The following STK3 variants were observed in gnomAD, a reference collection of about 807,000 sequenced individuals.
STK3 encodes serine/threonine kinase 3, also known as serine/threonine-protein kinase 3.
Under a neutral mutation model 58.0 loss-of-function variants are expected in STK3, and 41 were observed. The ratio of observed to expected loss-of-function variants is 0.71; its 90% CI spans 0.55 to 0.92. The LOEUF is 0.92. Among genes scored for constraint, STK3 ranks in the 40% least tolerant of loss-of-function variants. The pLI, the probability that STK3 is intolerant of heterozygous loss-of-function variation, is 0.00. For synonymous variants in STK3, 170 were observed against 191.0 expected, an observed-to-expected ratio of 0.89 and a Z score of 0.91; for missense variants, 479 against 602.7, an observed-to-expected ratio of 0.79 and a Z score of 2.15.
At chr8:98,733,534 T>A (rs568385049) in intron 4 of STK3, among the ~76,000 whole-genome samples, 1 of 152,224 alleles carries the variant, frequency 6.6e-6, no homozygotes, top group African/African-American at 2.4e-5. Flanking sequence ...CCTGAAACTA[T>A]CACCCCCATC....
chr8:98,426,602 G>A (rs1818236236), intron 3 of STK3, among the ~76,000 whole-genome samples: 1 of 151,004 alleles, frequency 6.6e-6, no homozygotes, highest in Non-Finnish European at 1.5e-5. Flanking sequence ...CCCCACCCCC[G>A]GGCTTCGGGA....
chr8:98,890,798 A>G (rs969287176), intron 1 of STK3, among the ~76,000 whole-genome samples: 27 of 152,232 alleles, frequency 1.8e-4, no homozygotes, highest in African/African-American at 6.3e-4. Flanking sequence ...GCCAGGGTTC[A>G]TGACAATCCA....
chr8:98,784,293 C>T (rs887153952), intron 1 of STK3, among the ~76,000 whole-genome samples: 1 of 152,228 alleles, frequency 6.6e-6, no homozygotes, highest in African/African-American at 2.4e-5. Flanking sequence ...GTCTTCACAG[C>T]CACACTGTAG....
chr8:98,917,463 C>T (rs1023997503), intron 1 of STK3, among the ~76,000 whole-genome samples: 3 of 152,096 alleles, frequency 2.0e-5, no homozygotes, highest in African/African-American at 7.2e-5. Context: ...AATCCTAACC[C>T]CCAATTTGAT....
chr8:98,428,351 T>C lies in STK3; in HGVS notation n.483+5776A>G. 6.2e-7 allele frequency: 1 copy of C among 1,614,108 alleles called. No individual in the cohort carries two copies. Among genetic ancestry groups the C allele is most frequent in the Non-Finnish European group, 8.5e-7 (1 of 1,180,004 alleles). On this transcript the variant is annotated intron_variant and non_coding_transcript_variant, in intron 3 of 3. Coordinates refer to the STK3 transcript ENST00000517832. The surrounding 1 kb of genome is among the most constrained non-coding windows in gnomAD (Gnocchi z 6.7). ...ACTCCTGCTGCAGCTACAGCTACCA[T>C]GGCCGCAAAGTAGAGCCCGAGCAGG...
intron 10 of STK3, among the ~76,000 whole-genome samples, chr8:98,494,654 C>CAAAAAAA (rs398008984): frequency 2.5e-5 from 1 of 40,458 alleles, no homozygotes; most frequent in Non-Finnish European, 4.3e-5. Flanking sequence ...GACCCTGTCT[C>CAAAAAAA]AAAAAAAAAA....
At position 98,909,674 on chromosome 8, in the gene STK3, C is replaced by A. The variant is rs139460304; in HGVS notation, c.-78-25840G>T. Among the ~76,000 whole-genome samples, 26 of 152,288 alleles carry A rather than the reference C, an allele frequency of 1.7e-4. No homozygotes were observed. In the East Asian group the frequency reaches 4.6e-3, roughly 27 times the overall value. On this transcript the variant is annotated intron_variant, in intron 1 of 1. Transcript: ENST00000519420. The stretch of plus-strand genomic sequence containing the variant: ...TGTTCAAGGGTTATCCATGTTGCAG[C>A]GTGTATCAGTACTTCATTTCTTTCT...
intron 10 of STK3, among the ~76,000 whole-genome samples, chr8:98,469,255 G>A (rs1014715624): frequency 7.2e-6 from 1 of 138,206 alleles, no homozygotes; most frequent in East Asian, 2.2e-4. Flanking sequence ...TTCTTTGCGG[G>A]GGCGGGGGGG....
At position 98,381,531 on chromosome 8, in the gene STK3, C is replaced by T. The variant is rs566852659; in HGVS notation, n.57-2324G>A. Among the ~76,000 whole-genome samples, 24 of 152,290 alleles carry T rather than the reference C, an allele frequency of 1.6e-4. No individual in the cohort carries two copies. The South Asian group carries it at 2.3e-3, about 14-fold the overall frequency. On this transcript the variant is annotated intron_variant and non_coding_transcript_variant, in intron 1 of 2. Transcript: ENST00000518704. ...GGGATAGAGCAGATTAATTCTAGTCCGCAATGTCTCCTGTGAGGTTCGGGA... is the reference window on the plus strand; with the variant it reads ...GGGATAGAGCAGATTAATTCTAGTCTGCAATGTCTCCTGTGAGGTTCGGGA...
intron 3 of STK3, among the ~76,000 whole-genome samples, chr8:98,850,176 A>T (rs1212198824): frequency 1.3e-5 from 2 of 152,084 alleles, no homozygotes; most frequent in Admixed American, 6.6e-5. Flanking sequence ...TATTTAATTA[A>T]TTTTTTTAGA....
At chr8:98,934,616 T>C (rs1043928296) in intron 1 of STK3, among the ~76,000 whole-genome samples, 6 of 152,198 alleles carry the variant, frequency 3.9e-5, no homozygotes, top group Non-Finnish European at 8.8e-5. Flanking sequence ...TGCCAACACA[T>C]ATAAGATGAC....
chr8:98,874,736 C>T (rs1464722083), intron 3 of STK3, among the ~76,000 whole-genome samples: 1 of 151,868 alleles, frequency 6.6e-6, no homozygotes, highest in Non-Finnish European at 1.5e-5. Flanking sequence ...AAGCAATCCT[C>T]TCACCTCAGC....
intron 3 of STK3, among the ~76,000 whole-genome samples, chr8:98,393,979 A>G (rs1427920978): frequency 6.6e-6 from 1 of 152,224 alleles, no homozygotes; most frequent in Non-Finnish European, 1.5e-5. Context: ...TAAGAGAGCT[A>G]TTTGTCTACC....
intron 3 of STK3, among the ~76,000 whole-genome samples, chr8:98,408,039 G>T (rs770450220): frequency 1.3e-5 from 2 of 152,148 alleles, no homozygotes; most frequent in African/African-American, 2.4e-5. Flanking sequence ...TTGATGAGAC[G>T]CACTTGATGA....
chr8:98,743,227 G>C (rs1465266733), intron 4 of STK3, among the ~76,000 whole-genome samples: 13 of 145,034 alleles, frequency 9.0e-5, no homozygotes, highest in Admixed American at 4.3e-4. Flanking sequence ...TTGGACAAAA[G>C]TACTTTAAAG....
intron 8 of STK3, among the ~76,000 whole-genome samples, chr8:98,555,670 T>C (rs1157094291): frequency 2.6e-5 from 4 of 152,160 alleles, no homozygotes; most frequent in Non-Finnish European, 2.9e-5. Flanking sequence ...AAAAAACGTG[T>C]AAAATATATA....
chr8:98,742,793 CCT>C (rs1470814320), intron 4 of STK3, among the ~76,000 whole-genome samples: 1 of 151,728 alleles, frequency 6.6e-6, no homozygotes, highest in African/African-American at 2.4e-5. Flanking sequence ...GCAAATTGTC[CCT>C]GTTTGCAGAT....
At chr8:98,677,382 C>T (rs1439562601) in intron 6 of STK3, among the ~76,000 whole-genome samples, 3 of 131,722 alleles carry the variant, frequency 2.3e-5, no homozygotes, top group South Asian at 5.6e-4. Context: ...TCTTGGCTAC[C>T]GAACTTCATT....
At chr8:98,914,667 T>C (rs1839278906) in intron 1 of STK3, among the ~76,000 whole-genome samples, 1 of 152,302 alleles carries the variant, frequency 6.6e-6, no homozygotes, top group East Asian at 1.9e-4. Flanking sequence ...TTAAGCAGAA[T>C]GGATTTCTAA....
Sources: allele counts gnomAD v4.1 joint callset (sites outside exome capture counted in the v4.1 genomes callset), GRCh38; gene constraint gnomAD v4.1.1; non-coding constraint Gnocchi (gnomAD v3.1); transcripts MANE v1.5; gene names NCBI Gene and HGNC (gene_info 2026-07-23, HGNC 2026-07-21).